Variants in RAPGEF5 observed in about 807,000 individuals in gnomAD.
RAPGEF5 encodes the protein M-Ras-regulated GEF.
RAPGEF5 carries 65 observed loss-of-function variants against 125.2 expected under a neutral mutation model. That is an observed-to-expected ratio of 0.52 (90% CI 0.43 to 0.64). The LOEUF (loss-of-function observed/expected upper bound fraction) is 0.64, where lower values mean the gene tolerates loss of function less well. Ranked by LOEUF, RAPGEF5 falls within the 30% of genes least tolerant of loss-of-function variation. The pLI is 0.00. For missense variants in RAPGEF5, 958 were observed against 1,048.1 expected, an observed-to-expected ratio of 0.91 and a Z score of 1.19; for synonymous variants, 391 against 385.9, an observed-to-expected ratio of 1.01 and a Z score of -0.16.
intron 9 of RAPGEF5, among the ~76,000 whole-genome samples, chr7:22,204,781 C>G (rs993042677): frequency 6.6e-6 from 1 of 152,084 alleles, no homozygotes; most frequent in Non-Finnish European, 1.5e-5. Flanking sequence ...GGAACAGTAA[C>G]AGGAAGTTGG....
rs536819091 is a variant in RAPGEF5 at position 22,146,982 on chromosome 7, G to A, written c.1922C>T (p.Ser641Leu). The change falls in exon 19 of 26, where the codon TCG becomes TTG. Residue 641 changes from serine to leucine, a missense_variant. Physicochemically the swap from Ser to Leu is moderately radical, Grantham distance 145. Coordinates refer to ENST00000665637, the MANE Select transcript of RAPGEF5 (RefSeq NM_012294.5). Reference sequence around the variant, plus strand: ...AGTGTTCATTCCCAAAATCCTCATCGACCTTTGCTGTGATTCCTCATTTTC... The same window carrying A: ...AGTGTTCATTCCCAAAATCCTCATCAACCTTTGCTGTGATTCCTCATTTTC... Reference protein sequence around the residue: ...FAENEESQQRSMRILGMNTWD... With the variant: ...FAENEESQQRLMRILGMNTWD... The A allele has an allele frequency of 2.6e-5, 42 of 1,613,268 alleles. No homozygotes were observed. Among genetic ancestry groups the A allele is most frequent in the Middle Eastern group, 1.7e-4 (1 of 6,058 alleles).
chr7:22,254,704 A>T (rs1409976499), intron 7 of RAPGEF5, among the ~76,000 whole-genome samples: 1 of 151,844 alleles, frequency 6.6e-6, no homozygotes, highest in East Asian at 1.9e-4. Context: ...ACGGAAGACA[A>T]TTTTTCCATG....
intron 6 of RAPGEF5, among the ~76,000 whole-genome samples, chr7:22,282,113 C>G (rs951310191): frequency 7.9e-5 from 12 of 152,160 alleles, no homozygotes; most frequent in Non-Finnish European, 2.9e-5. Flanking sequence ...GCCATTCCCC[C>G]CTCTCCAGCG....
intron 5 of RAPGEF5, among the ~76,000 whole-genome samples, chr7:22,306,894 C>T (rs1394204994): frequency 6.6e-6 from 1 of 152,146 alleles, no homozygotes. Context: ...GTTCTCCATT[C>T]TGTTCCATTG....
intron 1 of RAPGEF5, among the ~76,000 whole-genome samples, chr7:22,354,112 T>C (rs1005718476): frequency 1.3e-5 from 2 of 151,964 alleles, no homozygotes; most frequent in African/African-American, 2.4e-5. Context: ...AAAAAGCCTA[T>C]AATGCACCTG....
At position 22,357,143 on chromosome 7, in the gene RAPGEF5, G is replaced by GAGGGCGCGACTGCGGCTCGGGCGC; in HGVS notation, c.-84_-83insGCGCCCGAGCCGCAGTCGCGCCCT. On this transcript the variant is annotated 5_prime_UTR_variant, in exon 1 of 26. Coordinates refer to ENST00000665637, the MANE Select transcript of RAPGEF5 (RefSeq NM_012294.5). ...CGTCCGCGCCTTCGCCAGGAAGCGA[G>GAGGGCGCGACTGCGGCTCGGGCGC]AGGGCGCGACTGCGGCTCGGGCGCG... 1 of 760,944 alleles carries GAGGGCGCGACTGCGGCTCGGGCGC rather than the reference G, an allele frequency of 1.3e-6. No individual in the cohort carries two copies. The highest frequency in any genetic ancestry group is 5.8e-5 in the South Asian group (1 of 17,180). 47.1% of individuals were successfully genotyped at this position (760,944 alleles called of 1,614,324 possible).
intron 2 of RAPGEF5, 141 bp from the exon 3 acceptor site, chr7:22,315,617 G>C (rs1051183017): frequency 5.2e-6 from 3 of 572,496 alleles, no homozygotes; most frequent in Non-Finnish European, 6.7e-6. Flanking sequence ...AAGTCCATAA[G>C]GTTGAGACAT....
chr7:22,176,205 C>T (rs948965687), intron 11 of RAPGEF5, among the ~76,000 whole-genome samples: 1 of 152,166 alleles, frequency 6.6e-6, no homozygotes, highest in Admixed American at 6.5e-5. Context: ...TATTCACTAT[C>T]ATGAGAACTG....
intron 9 of RAPGEF5, among the ~76,000 whole-genome samples, chr7:22,209,246 G>T (rs1184003513): frequency 6.6e-6 from 1 of 152,146 alleles, no homozygotes; most frequent in African/African-American, 2.4e-5. Context: ...AATAAAATTG[G>T]CTCTCTCTTT....
intron 21 of RAPGEF5, 36 bp downstream of exon 21, chr7:22,139,989 T>A (rs1214953738): frequency 6.7e-7 from 1 of 1,491,838 alleles, no homozygotes; most frequent in Non-Finnish European, 9.1e-7. Flanking sequence ...TTATTTCCAT[T>A]TTATGTGCCC....
At chr7:22,160,017 G>A (rs915843727) in intron 14 of RAPGEF5, among the ~76,000 whole-genome samples, 8 of 152,246 alleles carry the variant, frequency 5.3e-5, no homozygotes, top group Admixed American at 3.9e-4. Flanking sequence ...GCTGAGGCAC[G>A]AAAATCGCTC....
chr7:22,150,476 TAA>T lies in RAPGEF5; in HGVS notation c.1813_1814del (p.Leu605SerfsTer30). 1 of 1,588,284 alleles carries T rather than the reference TAA, an allele frequency of 6.3e-7. No individual in the cohort carries two copies. Among genetic ancestry groups the T allele is most frequent in the Non-Finnish European group, 8.5e-7 (1 of 1,170,744 alleles). On this transcript the variant is annotated frameshift_variant, in exon 18 of 26. Coordinates refer to ENST00000665637, the MANE Select transcript of RAPGEF5 (RefSeq NM_012294.5). LOFTEE classifies it high-confidence loss of function. ...ATGCCTCGAGGGATTTGGAGATGAC[TAA>T]GTCATTTGGCTGAAGTTCATGCTTT... The part of the protein sequence containing the change: ...GEKHELQPND[L>X]VISKSLEASG...
At chr7:22,222,476 A>G (rs1184119966) in intron 8 of RAPGEF5, among the ~76,000 whole-genome samples, 1 of 152,174 alleles carries the variant, frequency 6.6e-6, no homozygotes. Context: ...GGATATCCAG[A>G]AGGAAGTGTG....
intron 18 of RAPGEF5, among the ~76,000 whole-genome samples, chr7:22,149,828 G>A (rs946246024): frequency 7.9e-5 from 12 of 152,040 alleles, no homozygotes; most frequent in Non-Finnish European, 1.5e-5. Flanking sequence ...ATTAAAATTC[G>A]ATGGGAGAAG....
chr7:22,220,679 A>C (rs145197472), intron 8 of RAPGEF5, among the ~76,000 whole-genome samples: 221 of 152,056 alleles, frequency 1.5e-3, no homozygotes, highest in African/African-American at 4.6e-3. Context: ...CTAAATAATA[A>C]TAGGAGGAGG....
intron 6 of RAPGEF5, among the ~76,000 whole-genome samples, chr7:22,284,152 G>A (rs775597597): frequency 1.6e-4 from 24 of 152,024 alleles, no homozygotes; most frequent in African/African-American, 4.3e-4. Flanking sequence ...ACGAAGATAC[G>A]TAATAGACAG....
At chr7:22,254,433 A>G (rs1429850455) in intron 7 of RAPGEF5, among the ~76,000 whole-genome samples, 1 of 150,996 alleles carries the variant, frequency 6.6e-6, no homozygotes, top group East Asian at 1.9e-4. Flanking sequence ...AGGTGGAGAA[A>G]CCCCGTCTCT....
intron 6 of RAPGEF5, among the ~76,000 whole-genome samples, chr7:22,275,789 C>T (rs970001959): frequency 3.3e-5 from 5 of 152,104 alleles, no homozygotes; most frequent in African/African-American, 9.7e-5. Context: ...GATGTTATGG[C>T]CATCTAATCC....
intron 22 of RAPGEF5, 63 bp from the exon 23 acceptor site, chr7:22,136,188 A>G: frequency 8.1e-7 from 1 of 1,239,976 alleles, no homozygotes; most frequent in East Asian, 2.3e-5. Context: ...ACAATTCTAA[A>G]TCCACCTTTG....
Sources: allele counts gnomAD v4.1 joint callset (sites outside exome capture counted in the v4.1 genomes callset), GRCh38; gene constraint gnomAD v4.1.1; transcripts MANE v1.5; gene names NCBI Gene and HGNC (gene_info 2026-07-23, HGNC 2026-07-21).